The following NHS variants were observed in gnomAD, a reference collection of about 807,000 sequenced individuals.
NHS encodes the protein NHS actin remodeling regulator.
NHS carries 5 observed loss-of-function variants against 72.5 expected under a neutral mutation model. The observed-to-expected ratio is 0.07, with a 90% CI of 0.04 to 0.14. NHS has a LOEUF of 0.14. Ranked by LOEUF, NHS falls within the 10% of genes least tolerant of loss-of-function variation. The probability of loss-of-function intolerance (pLI) is 1.00; values close to 1 mark genes in which losing one functional copy is unlikely to be tolerated. For synonymous variants in NHS, 464 were observed against 547.7 expected (o/e 0.85, Z 2.13); for missense variants, 1,072 against 1,355.7 (o/e 0.79, Z 3.29).
intron 1 of NHS, among the ~76,000 whole-genome samples, chrX:17,563,521 A>G (rs1039952701): frequency 9.8e-5 from 11 of 112,665 alleles, no homozygotes; most frequent in African/African-American, 3.5e-4. Context: ...CTTTTCAATT[A>G]ATTGACTTGA....
At chrX:17,542,392 G>A (rs763881176) in intron 1 of NHS, among the ~76,000 whole-genome samples, 1 of 113,484 alleles carries the variant, frequency 8.8e-6, no homozygotes, top group African/African-American at 3.2e-5. Flanking sequence ...TTCCTTCCTG[G>A]CATTGGCCCA....
intron 1 of NHS, among the ~76,000 whole-genome samples, chrX:17,547,852 C>T (rs2065301466): frequency 8.9e-6 from 1 of 112,041 alleles, no homozygotes; most frequent in Admixed American, 9.4e-5. Context: ...AGGATGGCCT[C>T]ACCTCCATGG....
chrX:17,593,703 A>G (rs2065613260), intron 1 of NHS, among the ~76,000 whole-genome samples: 1 of 111,988 alleles, frequency 8.9e-6, no homozygotes, highest in African/African-American at 3.3e-5. Context: ...TCCCAAAGGT[A>G]GAGGTATGCA....
intron 1 of NHS, among the ~76,000 whole-genome samples, chrX:17,418,695 A>G (rs754586926): frequency 1.8e-5 from 2 of 111,686 alleles, no homozygotes; most frequent in South Asian, 3.8e-4. Flanking sequence ...ACCTGGTGCA[A>G]TGGTCCTTCC....
At chrX:17,603,497 T>G (rs747303840) in intron 1 of NHS, among the ~76,000 whole-genome samples, 2 of 112,050 alleles carry the variant, frequency 1.8e-5, no homozygotes, top group Non-Finnish European at 3.8e-5. Context: ...CTCCAAGACA[T>G]TTCAGAGCTC....
intron 8 of NHS, among the ~76,000 whole-genome samples, chrX:17,730,968 T>C (rs1160779288): frequency 1.8e-5 from 2 of 110,838 alleles, no homozygotes; most frequent in Non-Finnish European, 1.9e-5. Context: ...TGTTTTTATA[T>C]GGAGGGATTT....
intron 1 of NHS, among the ~76,000 whole-genome samples, chrX:17,676,879 T>C (rs981114871): frequency 8.9e-6 from 1 of 112,462 alleles, no homozygotes; most frequent in Non-Finnish European, 1.9e-5. Flanking sequence ...AATTATTAGA[T>C]TGAACTATTG....
At chrX:17,496,794 C>A (rs1049228330) in intron 1 of NHS, among the ~76,000 whole-genome samples, 4 of 112,097 alleles carry the variant, frequency 3.6e-5, no homozygotes, top group Non-Finnish European at 7.5e-5. Context: ...CTTCCTCTAT[C>A]CACTGCCCTC....
intron 1 of NHS, among the ~76,000 whole-genome samples, chrX:17,676,015 A>G (rs1196727334): frequency 9.0e-6 from 1 of 111,707 alleles, no homozygotes; most frequent in Non-Finnish European, 1.9e-5. Flanking sequence ...TAAGAGACTA[A>G]CCTCCACCTA....
chrX:17,591,424 G>A (rs1012996933), intron 1 of NHS, among the ~76,000 whole-genome samples: 6 of 111,616 alleles, frequency 5.4e-5, no homozygotes, highest in African/African-American at 1.3e-4. Context: ...ATCAGAAGCC[G>A]ATGCATACTT....
At chrX:17,381,307 T>G (rs1435345051) in intron 1 of NHS, among the ~76,000 whole-genome samples, 1 of 111,896 alleles carries the variant, frequency 8.9e-6, no homozygotes, top group Non-Finnish European at 1.9e-5. Context: ...ATATTAAAGT[T>G]TAACATTCCC....
intron 1 of NHS, among the ~76,000 whole-genome samples, chrX:17,443,614 G>T (rs113817331): frequency 0.015 from 1,634 of 111,586 alleles, 35 homozygotes; most frequent in African/African-American, 0.05. Context: ...TAGCAATACC[G>T]CTAAGGTTCC....
At chrX:17,424,915 C>T (rs1171961868) in intron 1 of NHS, among the ~76,000 whole-genome samples, 2 of 111,412 alleles carry the variant, frequency 1.8e-5, no homozygotes, top group South Asian at 3.9e-4. Flanking sequence ...GAACTCACGT[C>T]TGTTGACTTT....
At chrX:17,691,253 A>C (rs1326081372) in intron 2 of NHS, among the ~76,000 whole-genome samples, 1 of 112,234 alleles carries the variant, frequency 8.9e-6, no homozygotes, top group Non-Finnish European at 1.9e-5. Context: ...GTACGGATTT[A>C]AGAATGTAAA....
chrX:17,544,122 A>G (rs1012032872), intron 1 of NHS, among the ~76,000 whole-genome samples: 2 of 112,639 alleles, frequency 1.8e-5, no homozygotes, highest in East Asian at 2.8e-4. Flanking sequence ...GGCAGACGCT[A>G]TGCTAAGTAT....
intron 1 of NHS, among the ~76,000 whole-genome samples, chrX:17,488,095 G>A (rs1053962067): frequency 1.8e-5 from 2 of 111,266 alleles, no homozygotes; most frequent in Non-Finnish European, 3.8e-5. Flanking sequence ...CTCGCTTCTG[G>A]CAGAATCTGA....
chrX:17,662,939 AG>A (rs2065989638), intron 1 of NHS, among the ~76,000 whole-genome samples: 1 of 112,110 alleles, frequency 8.9e-6, no homozygotes, highest in Admixed American at 9.5e-5. Context: ...CATTGGGAAT[AG>A]GGACCTGTGT....
At chrX:17,405,775 A>G (rs936734203) in intron 1 of NHS, among the ~76,000 whole-genome samples, 6 of 112,339 alleles carry the variant, frequency 5.3e-5, no homozygotes, top group African/African-American at 1.9e-4. Flanking sequence ...AGTGTGTGAC[A>G]TGCTGGTGCA....
chrX:17,397,785 A>T (rs1391271125), intron 1 of NHS, among the ~76,000 whole-genome samples: 1 of 112,208 alleles, frequency 8.9e-6, no homozygotes, highest in East Asian at 2.8e-4. Context: ...CCATTCATCC[A>T]TCCATCTATC....
Sources: allele counts gnomAD v4.1 joint callset (sites outside exome capture counted in the v4.1 genomes callset), GRCh38; gene constraint gnomAD v4.1.1; transcripts MANE v1.5; gene names NCBI Gene and HGNC (gene_info 2026-07-23, HGNC 2026-07-21).